Variants in AGXT2 observed in about 807,000 individuals in gnomAD.
The protein encoded by AGXT2 is alanine--glyoxylate aminotransferase 2, mitochondrial.
Under a neutral mutation model 62.5 loss-of-function variants are expected in AGXT2, and 61 were observed. The observed-to-expected ratio is 0.98, with a 90% CI of 0.79 to 1.21. AGXT2 has a LOEUF of 1.21. Ranked by LOEUF, AGXT2 falls within the 50% of genes most tolerant of loss-of-function variation. The pLI, the probability that AGXT2 is intolerant of heterozygous loss-of-function variation, is 0.00. For missense variants in AGXT2, 666 were observed against 641.5 expected (o/e 1.04, Z -0.41); for synonymous variants, 243 against 218.7 (o/e 1.11, Z -0.98).
Position 35,013,995 on chromosome 5 carries a change from G to A in AGXT2, c.1088C>T (p.Thr363Ile), listed in dbSNP as rs1356047880. Residue 363 changes from threonine (T) to isoleucine (I), a missense_variant, in exon 10 of 14, where the codon ACC becomes ATC. Physicochemically the swap from Thr to Ile is moderately conservative, Grantham distance 89. Transcript: ENST00000231420. The part of the protein sequence containing the change: ...GNGFPMAAVI[T>I]TPEIAKSLAK... Reference sequence around the variant, plus strand: ...CTGCCTGTGGGTCCTACCTGGAGTGGTTATGACTGCTGCCATGGGAAAGCC... The same window carrying A: ...CTGCCTGTGGGTCCTACCTGGAGTGATTATGACTGCTGCCATGGGAAAGCC... The A allele has an allele frequency of 6.2e-7, 1 of 1,614,024 alleles. No homozygotes were observed. The highest frequency in any genetic ancestry group is 8.5e-7 in the Non-Finnish European group (1 of 1,179,966).
At chr5:35,040,119 G>A (rs1767931851) in intron 2 of AGXT2, among the ~76,000 whole-genome samples, 1 of 152,122 alleles carries the variant, frequency 6.6e-6, no homozygotes, top group Admixed American at 6.5e-5. Flanking sequence ...GAAAGAGAGA[G>A]AAAGTAAGAG....
At chr5:35,012,922 T>C (rs1443759171) in intron 11 of AGXT2, 32 bp downstream of exon 11, 2 of 1,539,720 alleles carry the variant, frequency 1.3e-6, no homozygotes, top group Admixed American at 3.9e-5. Context: ...ATTTGTGAAA[T>C]GAGTGAGGTT....
chr5:35,047,626 A>G (rs1396285863), intron 1 of AGXT2, among the ~76,000 whole-genome samples, 179 bp downstream of exon 1: 1 of 63,972 alleles, frequency 1.6e-5, no homozygotes, highest in Non-Finnish European at 4.4e-5. Flanking sequence ...ATTACAAAAT[A>G]TTGGCTATGA....
Position 35,003,809 on chromosome 5 carries a change from C to T in AGXT2, c.1391G>A (p.Cys464Tyr). ...GCCAACGAGGAGTCCCATGTGCTTG[C>T]AGTCCTCATGGATCTGATTTACTTC... ...REEVNQIHED[C>Y]KHMGLLVGRG... Residue 464 changes from cysteine (C) to tyrosine (Y), a missense_variant, in exon 13 of 14, where the codon TGC becomes TAC. Coordinates refer to ENST00000231420, the MANE Select transcript of AGXT2 (RefSeq NM_031900.4). The T allele has an allele frequency of 6.2e-7, 1 of 1,614,212 alleles. No homozygotes were observed. The highest frequency in any genetic ancestry group is 1.3e-5 in the African/African-American group (1 of 75,044).
intron 11 of AGXT2, among the ~76,000 whole-genome samples, chr5:35,012,018 T>G (rs972393038): frequency 6.6e-6 from 1 of 151,680 alleles, no homozygotes; most frequent in African/African-American, 2.4e-5. Flanking sequence ...AACTAATAAG[T>G]GTTCTCACTT....
At chr5:35,046,506 A>T (rs941253100) in intron 1 of AGXT2, among the ~76,000 whole-genome samples, 1 of 152,198 alleles carries the variant, frequency 6.6e-6, no homozygotes, top group Non-Finnish European at 1.5e-5. Flanking sequence ...ATCCCAAGTT[A>T]TCACATACAT....
chr5:35,001,089 T>G (rs1229245164), intron 13 of AGXT2, among the ~76,000 whole-genome samples: 2 of 152,244 alleles, frequency 1.3e-5, no homozygotes, highest in African/African-American at 4.8e-5. Flanking sequence ...TAAGCTATGA[T>G]GTACAGTTGG....
chr5:35,021,816 C>T (rs1225983994), intron 9 of AGXT2, among the ~76,000 whole-genome samples: 19 of 152,088 alleles, frequency 1.2e-4, no homozygotes, highest in Non-Finnish European at 2.8e-4. Flanking sequence ...ATTTTCGCAA[C>T]CTACTCATCT....
chr5:35,030,418 G>A (rs746161661), intron 7 of AGXT2, among the ~76,000 whole-genome samples: 1 of 152,198 alleles, frequency 6.6e-6, no homozygotes. Context: ...TGAGGCAGGA[G>A]AATCGCTTGA....
intron 4 of AGXT2, 30 bp downstream of exon 4, chr5:35,036,912 C>T: frequency 6.2e-7 from 1 of 1,613,534 alleles, no homozygotes; most frequent in Non-Finnish European, 8.5e-7. Context: ...TCCCCCATAA[C>T]ATTCACCTCC....
In AGXT2 at chr5:35,011,565, T is replaced by C. The variant is rs1580576173; in HGVS notation, c.1188+1389A>G. Among the ~76,000 whole-genome samples, 2 of 152,020 alleles carry C rather than the reference T, an allele frequency of 1.3e-5. 1 individual carries two copies. Among genetic ancestry groups the C allele is most frequent in the Admixed American group, 1.3e-4 (2 of 15,254 alleles). On this transcript the variant is annotated intron_variant, in intron 11 of 13. Coordinates refer to ENST00000231420, the MANE Select transcript of AGXT2 (RefSeq NM_031900.4). ...TGACTTAATTGTAGTTGAAAATAAC[T>C]ATTTAATTAATAAAGGCAGTGTTTT...
At chr5:35,005,194 G>T (rs924107890) in intron 12 of AGXT2, among the ~76,000 whole-genome samples, 1 of 152,090 alleles carries the variant, frequency 6.6e-6, no homozygotes, top group Non-Finnish European at 1.5e-5. Flanking sequence ...CGGAGGGAAG[G>T]TTGGGTTGGG....
At chr5:35,003,634 G>T in intron 13 of AGXT2, 129 bp downstream of exon 13, 1 of 898,090 alleles carries the variant, frequency 1.1e-6, no homozygotes, top group Non-Finnish European at 1.8e-6. Flanking sequence ...TGGGTACCTC[G>T]GCACAGTTGT....
At chr5:35,005,950 G>A (rs1370032951) in intron 12 of AGXT2, among the ~76,000 whole-genome samples, 5 of 152,094 alleles carry the variant, frequency 3.3e-5, no homozygotes, top group Non-Finnish European at 7.4e-5. Flanking sequence ...TATTCCTAGG[G>A]ACACCTTCTA....
At chr5:35,037,441 T>A (rs190875024) in intron 3 of AGXT2, among the ~76,000 whole-genome samples, 1 of 152,258 alleles carries the variant, frequency 6.6e-6, no homozygotes, top group East Asian at 1.9e-4. Context: ...GTTCTTTCCA[T>A]TTTATTTTTC....
intron 1 of AGXT2, among the ~76,000 whole-genome samples, chr5:35,045,764 C>CTTTTTTTT (rs1255749919): frequency 5.9e-3 from 587 of 98,938 alleles, no homozygotes; most frequent in South Asian, 6.7e-3. Context: ...TTTCTTTTTT[C>CTTTTTTTT]TTTTTTTTTT....
At chr5:35,037,888 G>T (rs1767842954) in intron 3 of AGXT2, among the ~76,000 whole-genome samples, 1 of 152,188 alleles carries the variant, frequency 6.6e-6, no homozygotes, top group Admixed American at 6.5e-5. Context: ...ACAGATTTGT[G>T]GAACCTGACT....
intron 10 of AGXT2, 40 bp downstream of exon 10, chr5:35,013,947 C>A: frequency 1.2e-6 from 2 of 1,613,542 alleles, no homozygotes; most frequent in Non-Finnish European, 1.7e-6. Context: ...GCCCAATGTA[C>A]GAGGCCCAGA....
At chr5:35,005,591 C>T (rs1403438496) in intron 12 of AGXT2, among the ~76,000 whole-genome samples, 1 of 151,346 alleles carries the variant, frequency 6.6e-6, no homozygotes, top group Non-Finnish European at 1.5e-5. Context: ...GGGCCAGCAC[C>T]CTCTTGGCTC....
Sources: allele counts gnomAD v4.1 joint callset (sites outside exome capture counted in the v4.1 genomes callset), GRCh38; gene constraint gnomAD v4.1.1; transcripts MANE v1.5; gene names NCBI Gene and HGNC (gene_info 2026-07-23, HGNC 2026-07-21).